CYFIP2: variants seen among roughly 807,000 people sequenced by gnomAD.
CYFIP2 encodes the protein cytoplasmic FMR1 interacting protein 2, also known as cytoplasmic FMR1-interacting protein 2.
In CYFIP2, 29 loss-of-function variants were observed where a neutral mutation model predicts 158.7. The ratio of observed to expected loss-of-function variants is 0.18; its 90% CI spans 0.14 to 0.25. CYFIP2 has a LOEUF of 0.25. CYFIP2 is among the 10% of genes least tolerant of loss of function. CYFIP2 has a pLI of 1.00. For missense variants in CYFIP2, 852 were observed against 1,639.5 expected, an observed-to-expected ratio of 0.52 and a Z score of 8.29; for synonymous variants, 585 against 617.6, an observed-to-expected ratio of 0.95 and a Z score of 0.78.
chr5:157,326,145 G>A (rs781354807), intron 17 of CYFIP2, 26 bp from the exon 18 acceptor site: 29 of 1,555,478 alleles, frequency 1.9e-5, no homozygotes, highest in Middle Eastern at 1.7e-4. Context: ...ATTAGCAAGC[G>A]GCTGGCTGTG....
chr5:157,339,737 T>G (rs1762110042), intron 22 of CYFIP2, among the ~76,000 whole-genome samples: 1 of 152,230 alleles, frequency 6.6e-6, no homozygotes, highest in Non-Finnish European at 1.5e-5. Context: ...GGAGGCTTCC[T>G]CTTTGAGGAA....
At chr5:157,328,523 A>G (rs757145986) in intron 19 of CYFIP2, among the ~76,000 whole-genome samples, 1 of 152,212 alleles carries the variant, frequency 6.6e-6, no homozygotes, top group Non-Finnish European at 1.5e-5. Context: ...TGATAACAGC[A>G]TGCCAACTTC....
chr5:157,331,473 G>A (rs1279376703), intron 20 of CYFIP2, among the ~76,000 whole-genome samples: 6 of 151,524 alleles, frequency 4.0e-5, no homozygotes, highest in African/African-American at 2.4e-5. Flanking sequence ...ATGCTGTGAC[G>A]TCTGTGTGCT....
At chr5:157,349,862 A>G (rs1268855165) in intron 23 of CYFIP2, among the ~76,000 whole-genome samples, 1 of 152,222 alleles carries the variant, frequency 6.6e-6, no homozygotes, top group Non-Finnish European at 1.5e-5. Context: ...TTCCCTGATC[A>G]TTAGCGATGC....
rs912695514 is a variant in CYFIP2 at position 157,325,801 on chromosome 5, G to A, written c.1982+163G>A. Reference sequence around the variant, plus strand: ...CAGCCAGACAGAATCATTTAATTCAGCCTTGCAGATAAATTCTGAAGTTTC... The same window carrying A: ...CAGCCAGACAGAATCATTTAATTCAACCTTGCAGATAAATTCTGAAGTTTC... On this transcript the variant is annotated intron_variant, in intron 17 of 30. Transcript: ENST00000620254. The A allele has an allele frequency of 5.2e-6, 4 of 773,722 alleles. No homozygotes were observed. The Admixed American group carries it at 1.3e-4, about 26-fold the overall frequency. 47.9% of individuals were successfully genotyped at this position (773,722 alleles called of 1,614,324 possible).
Position 157,266,146 on chromosome 5 carries a change from G to A in CYFIP2, c.-73G>A, listed in dbSNP as rs1755570813. On this transcript the variant is annotated 5_prime_UTR_variant, in exon 1 of 31. Transcript: ENST00000620254. The surrounding 1 kb of genome is among the most constrained non-coding windows in gnomAD (Gnocchi z 4.2). Reference sequence around the variant, plus strand: ...GCAGAGCATCCTGCGCCCCGGCGCGGGGCCCTGCGGTAGCCTCAGGCCCCT... The same window carrying A: ...GCAGAGCATCCTGCGCCCCGGCGCGAGGCCCTGCGGTAGCCTCAGGCCCCT... 2 of 150,682 alleles carry A rather than the reference G, an allele frequency of 1.3e-5. No homozygotes were observed. The highest frequency in any genetic ancestry group is 3.0e-5 in the Non-Finnish European group (2 of 67,480). The allele number at this position is 150,682 out of a possible 1,614,324, so 9.3% of individuals were successfully genotyped here. A position where few individuals can be genotyped will look rare whatever the true frequency, so the allele number is the denominator to read the frequency against.
chr5:157,357,119 C>T (rs79812724), intron 23 of CYFIP2, among the ~76,000 whole-genome samples: 1,797 of 152,284 alleles, frequency 0.012, 42 homozygotes, highest in East Asian at 0.086. Context: ...CTCCCAATAT[C>T]TAGGCATGAG....
chr5:157,382,507 C>A, intron 26 of CYFIP2, 83 bp from the exon 27 acceptor site: 2 of 1,446,880 alleles, frequency 1.4e-6, no homozygotes, highest in African/African-American at 1.4e-5. Flanking sequence ...TAGCTAACTC[C>A]AGTGCTCAGG....
chr5:157,337,460 C>T (rs73815842), intron 21 of CYFIP2, among the ~76,000 whole-genome samples: 2 of 152,250 alleles, frequency 1.3e-5, no homozygotes, highest in African/African-American at 4.8e-5. Flanking sequence ...CCCAAACTTT[C>T]TCTTCACCCC....
At chr5:157,321,307 T>G (rs1760574465) in intron 15 of CYFIP2, among the ~76,000 whole-genome samples, 1 of 152,224 alleles carries the variant, frequency 6.6e-6, no homozygotes, top group Admixed American at 6.5e-5. Context: ...CTCTGTAAAA[T>G]GAAAACTTTG....
intron 13 of CYFIP2, among the ~76,000 whole-genome samples, chr5:157,315,793 C>G (rs1274253750): frequency 1.3e-5 from 2 of 152,104 alleles, no homozygotes; most frequent in Admixed American, 6.6e-5. Context: ...GCATGCTATG[C>G]AGTCTCTAAA....
At chr5:157,364,212 G>C (rs946190370) in intron 26 of CYFIP2, 1 of 141,842 alleles carries the variant, frequency 7.1e-6, no homozygotes, top group East Asian at 2.2e-4. Context: ...GGCGGGGGGG[G>C]GTGGGTCCCT....
chr5:157,319,783 C>T lies in CYFIP2; in HGVS notation c.1378C>T (p.Leu460=), dbSNP rs1042092111. 6.2e-7 allele frequency: 1 copy of T among 1,614,108 alleles called. No homozygotes were observed. The highest frequency in any genetic ancestry group is 1.3e-5 in the African/African-American group (1 of 75,066). The stretch of plus-strand genomic sequence containing the variant: ...CCAGGTGATCGCCATGATCAAAGGC[C>T]TGCAGGTGCTCATGGGCAGGATGGA... The part of the protein sequence containing the change: ...FVEVIAMIKG[L]QVLMGRMESV... Residue 460 remains leucine (L), a synonymous_variant, in exon 14 of 31, where the codon CTG becomes TTG. Transcript: ENST00000620254.
intron 20 of CYFIP2, 144 bp from the exon 21 acceptor site, chr5:157,333,183 G>T: frequency 1.0e-6 from 1 of 973,656 alleles, no homozygotes; most frequent in Non-Finnish European, 1.5e-6. Context: ...TGGACAGGCT[G>T]GTTGGAGTTT....
At position 157,311,817 on chromosome 5, in the gene CYFIP2, G is replaced by T. The variant is rs758423007; in HGVS notation, c.1110+36G>T. On this transcript the variant is annotated intron_variant, in intron 11 of 30. Coordinates refer to ENST00000620254, the MANE Select transcript of CYFIP2 (RefSeq NM_001037333.3). The surrounding 1 kb of genome is among the most constrained non-coding windows in gnomAD (Gnocchi z 4.7). ...AGGCTGCTGGGGCACAGGCCCGTGGGCCCAGGGCCAGAAGGGGTAAGGAGC... is the reference window on the plus strand; with the variant it reads ...AGGCTGCTGGGGCACAGGCCCGTGGTCCCAGGGCCAGAAGGGGTAAGGAGC... 1 of 1,552,916 alleles carries T rather than the reference G, an allele frequency of 6.4e-7. No individual in the cohort carries two copies.
At chr5:157,360,217 G>C (rs1763712347) in intron 24 of CYFIP2, 65 bp from the exon 25 acceptor site, 1 of 1,381,914 alleles carries the variant, frequency 7.2e-7, no homozygotes, top group African/African-American at 1.4e-5. Context: ...AGAGGTCTCA[G>C]CATAACCTCC....
intron 23 of CYFIP2, among the ~76,000 whole-genome samples, chr5:157,351,071 G>C (rs953597928): frequency 2.6e-5 from 4 of 151,422 alleles, no homozygotes; most frequent in Non-Finnish European, 4.4e-5. Flanking sequence ...CTCTGGCTAG[G>C]ACTTCCAGTA....
chr5:157,299,384 G>A (rs979901376), intron 5 of CYFIP2, among the ~76,000 whole-genome samples: 1 of 152,034 alleles, frequency 6.6e-6, no homozygotes, highest in Admixed American at 6.5e-5. Context: ...ACACCTCAGG[G>A]CCTTCACACT....
chr5:157,301,447 C>T (rs775590461), intron 6 of CYFIP2, among the ~76,000 whole-genome samples: 2 of 152,126 alleles, frequency 1.3e-5, no homozygotes, highest in Non-Finnish European at 1.5e-5. Context: ...TGCAGCAATC[C>T]CAGCTTCTAA....
Sources: gnomAD v4.1 joint callset for allele counts (sites outside exome capture counted in the v4.1 genomes callset) on GRCh38, gnomAD v4.1.1 for gene constraint, Gnocchi (gnomAD v3.1) non-coding constraint, MANE v1.5 for transcripts, NCBI Gene and HGNC (gene_info 2026-07-23, HGNC 2026-07-21) for gene names.